GAB2: variants seen among roughly 807,000 people sequenced by gnomAD.
The protein encoded by GAB2 is GRB2-associated-binding protein 2.
Under a neutral mutation model 65.5 loss-of-function variants are expected in GAB2, and 26 were observed. That is an observed-to-expected ratio of 0.40 (90% CI 0.29 to 0.55). The LOEUF is 0.55. GAB2 is among the 20% of genes least tolerant of loss of function. The pLI is 0.53. For missense variants in GAB2, 884 were observed against 875.8 expected, an observed-to-expected ratio of 1.01 and a Z score of -0.12; for synonymous variants, 321 against 329.6, an observed-to-expected ratio of 0.97 and a Z score of 0.28.
At chr11:78,287,235 A>G (rs1866508076) in intron 1 of GAB2, among the ~76,000 whole-genome samples, 1 of 152,202 alleles carries the variant, frequency 6.6e-6, no homozygotes, top group Admixed American at 6.5e-5. Context: ...TTCAACTTGA[A>G]AAAGAGCAGC....
At chr11:78,403,100 C>T (rs949545749) in intron 1 of GAB2, among the ~76,000 whole-genome samples, 14 of 152,208 alleles carry the variant, frequency 9.2e-5, no homozygotes, top group African/African-American at 3.4e-4. Context: ...TGATCTTGGA[C>T]TTGCCAGCCT....
chr11:78,260,961 G>A (rs1865711732), intron 2 of GAB2, among the ~76,000 whole-genome samples: 1 of 152,144 alleles, frequency 6.6e-6, no homozygotes, highest in Non-Finnish European at 1.5e-5. Context: ...GGAGGTCCCA[G>A]CCCTTTGGGA....
In GAB2 at chr11:78,398,415, T is replaced by TA. The variant is rs537975873; in HGVS notation, c.75+19230dup. On this transcript the variant is annotated intron_variant, in intron 1 of 9. Transcript: ENST00000361507. ...TGCACACAGGTGTGGTACATTCACTTACGTGATATTTATAAGACTTATGTA... is the reference window on the plus strand; with the variant it reads ...TGCACACAGGTGTGGTACATTCACTTAACGTGATATTTATAAGACTTATGTA... Among the ~76,000 whole-genome samples, 12 of 152,354 alleles carry TA rather than the reference T, an allele frequency of 7.9e-5. No individual in the cohort carries two copies. In the East Asian group the frequency reaches 2.1e-3, roughly 27 times the overall value.
intron 1 of GAB2, among the ~76,000 whole-genome samples, chr11:78,385,496 T>C (rs745798305): frequency 1.6e-4 from 24 of 152,148 alleles, no homozygotes; most frequent in Non-Finnish European, 3.2e-4. Context: ...GGAAAAGCAT[T>C]AGTTATGACA....
chr11:78,237,113 A>G (rs1480059385), intron 3 of GAB2, among the ~76,000 whole-genome samples: 2 of 152,194 alleles, frequency 1.3e-5, no homozygotes, highest in Non-Finnish European at 2.9e-5. Flanking sequence ...ACTGTGGGTA[A>G]GATTGGTGTT....
chr11:78,246,271 T>C (rs1865295355), intron 3 of GAB2, among the ~76,000 whole-genome samples: 1 of 152,174 alleles, frequency 6.6e-6, no homozygotes, highest in Non-Finnish European at 1.5e-5. Flanking sequence ...AAGTGTGTTT[T>C]CCTTTATTAC....
chr11:78,349,925 AAAAAAG>A (rs1459947426), intron 1 of GAB2, among the ~76,000 whole-genome samples: 1 of 151,950 alleles, frequency 6.6e-6, no homozygotes, highest in Non-Finnish European at 1.5e-5. Context: ...ACAGAGGTAA[AAAAAAG>A]AAAAAAAGAA....
intron 1 of GAB2, among the ~76,000 whole-genome samples, chr11:78,403,930 T>C (rs560255356): frequency 7.9e-5 from 12 of 151,878 alleles, no homozygotes; most frequent in African/African-American, 2.9e-4. Context: ...ATGCTAAGTA[T>C]CTACAGAAAA....
At chr11:78,280,577 A>G in intron 2 of GAB2, 24 bp downstream of exon 2, 1 of 1,589,984 alleles carries the variant, frequency 6.3e-7, no homozygotes, top group African/African-American at 1.3e-5. Context: ...CCCCTATGAG[A>G]AAGATCTGTG....
At chr11:78,259,280 TACTC>T (rs1865674324) in intron 2 of GAB2, among the ~76,000 whole-genome samples, 1 of 152,222 alleles carries the variant, frequency 6.6e-6, no homozygotes, top group African/African-American at 2.4e-5. Context: ...AATTATTAAA[TACTC>T]AATAAATGGC....
At chr11:78,352,044 T>C (rs528175316) in intron 1 of GAB2, among the ~76,000 whole-genome samples, 1 of 152,222 alleles carries the variant, frequency 6.6e-6, no homozygotes, top group South Asian at 2.1e-4. Flanking sequence ...AAACCCCGCC[T>C]CTACTAAAAA....
chr11:78,234,797 T>C (rs1305725509), intron 3 of GAB2, among the ~76,000 whole-genome samples: 1 of 152,028 alleles, frequency 6.6e-6, no homozygotes, highest in Non-Finnish European at 1.5e-5. Context: ...TGTTGTTCTT[T>C]TAAAAATTTC....
At chr11:78,408,204 A>T (rs1371795305) in intron 1 of GAB2, among the ~76,000 whole-genome samples, 1 of 151,752 alleles carries the variant, frequency 6.6e-6, no homozygotes, top group Non-Finnish European at 1.5e-5. Flanking sequence ...GCACTGTCTG[A>T]TATAAAAAAA....
At chr11:78,296,672 G>A (rs1422990075) in intron 1 of GAB2, among the ~76,000 whole-genome samples, 2 of 152,086 alleles carry the variant, frequency 1.3e-5, no homozygotes, top group Non-Finnish European at 2.9e-5. Context: ...CACCTCAGCT[G>A]GGAATGTGCA....
intron 1 of GAB2, among the ~76,000 whole-genome samples, chr11:78,301,428 C>T (rs1195890829): frequency 1.3e-5 from 2 of 149,454 alleles, no homozygotes; most frequent in Admixed American, 6.7e-5. Context: ...CTCCCAAGTT[C>T]AAGCGATTCT....
At chr11:78,280,328 T>C (rs905686267) in intron 2 of GAB2, 11 of 462,012 alleles carry the variant, frequency 2.4e-5, no homozygotes, top group Non-Finnish European at 3.1e-5. Context: ...ACAGGAGGGA[T>C]GAGGAACGGC....
intron 3 of GAB2, among the ~76,000 whole-genome samples, chr11:78,237,533 G>T (rs1050385725): frequency 1.3e-5 from 2 of 152,154 alleles, no homozygotes; most frequent in Non-Finnish European, 1.5e-5. Context: ...TAGGAATGAG[G>T]TAAGGGAAGG....
intron 2 of GAB2, chr11:78,280,385 T>C (rs1866300083): frequency 2.1e-5 from 12 of 582,816 alleles, no homozygotes; most frequent in Non-Finnish European, 3.7e-5. Flanking sequence ...CCTTTAGCTT[T>C]ATCACAACCC....
At chr11:78,364,745 ACCAGGGATTTTATCAAACTTT>A (rs1220703860) in intron 1 of GAB2, among the ~76,000 whole-genome samples, 1 of 152,204 alleles carries the variant, frequency 6.6e-6, no homozygotes, top group Non-Finnish European at 1.5e-5. Flanking sequence ...AAAAGCATAA[ACCAGGGATTTTATCAAACTTT>A]CCTGAGAAAT....
Sources: allele counts gnomAD v4.1 joint callset (sites outside exome capture counted in the v4.1 genomes callset), GRCh38; gene constraint gnomAD v4.1.1; transcripts MANE v1.5; gene names NCBI Gene and HGNC (gene_info 2026-07-23, HGNC 2026-07-21).